The following MUC12 variants were observed in gnomAD, a reference collection of about 807,000 sequenced individuals.
MUC12 encodes mucin 12, cell surface associated, also known as mucin-12.
In MUC12, 172 loss-of-function variants were observed where a neutral mutation model predicts 230.8. The ratio of observed to expected loss-of-function variants is 0.75; its 90% confidence interval spans 0.66 to 0.85. MUC12 has a LOEUF of 0.85. Among genes scored for constraint, MUC12 ranks in the 40% least tolerant of loss-of-function variants. The probability of loss-of-function intolerance (pLI) is 0.00; values close to 1 mark genes in which losing one functional copy is unlikely to be tolerated. For synonymous variants in MUC12, 1,259 were observed against 2,401.9 expected (o/e 0.52, Z 13.91); for missense variants, 3,506 against 5,920.6 (o/e 0.59, Z 13.38).
At chr7:100,984,005 G>T (rs1356443878) in intron 1 of MUC12, among the ~76,000 whole-genome samples, 1 of 152,086 alleles carries the variant, frequency 6.6e-6, no homozygotes, top group African/African-American at 2.4e-5. Context: ...CCTTCATGTG[G>T]GCCTCTGCTG....
rs116937540 is a variant in MUC12 at position 101,015,595 on chromosome 7, C to G, written c.15801-20C>G. 120 of 1,536,812 alleles carry G rather than the reference C, an allele frequency of 7.8e-5. No individual in the cohort carries two copies. The East Asian group carries it at 2.6e-3, about 34-fold the overall frequency. On this transcript the variant is annotated intron_variant, in intron 9 of 11. Transcript: ENST00000536621. Reference sequence around the variant, plus strand: ...CTCAGCCTCCTTGCCTACAGCTGCTCAAGGCATTTCTGTCTGCAGGGAACA... The same window carrying G: ...CTCAGCCTCCTTGCCTACAGCTGCTGAAGGCATTTCTGTCTGCAGGGAACA...
Position 101,005,485 on chromosome 7 carries a change from T to C in MUC12, c.14922T>C (p.Ile4974=). ...CCAGTCCAAGCTTCACTTCTACAAT[T>C]GTGTCTACTGAAAGCCTGGAAACCT... ...FHTSPSFTST[I]VSTESLETLA... Residue 4974 remains isoleucine, a synonymous_variant, in exon 2 of 12, where the codon ATT becomes ATC. Transcript: ENST00000536621. 1.3e-6 allele frequency: 2 copies of C among 1,537,512 alleles called. No individual in the cohort carries two copies. Among genetic ancestry groups the C allele is most frequent in the Non-Finnish European group, 1.7e-6 (2 of 1,146,830 alleles).
At chr7:101,017,848 TCCTTTCCCCCTGGGACTCCCTC>T (rs1192860261) in intron 11 of MUC12, among the ~76,000 whole-genome samples, 185 bp downstream of exon 11, 7 of 74,896 alleles carry the variant, frequency 9.3e-5, no homozygotes, top group Non-Finnish European at 1.8e-4. Flanking sequence ...TGGGACCCCT[TCCTTTCCCCCTGGGACTCCCTC>T]CCTCCCCCTG....
chr7:100,975,018 A>G (rs1364192148), intron 1 of MUC12, among the ~76,000 whole-genome samples: 3 of 150,690 alleles, frequency 2.0e-5, no homozygotes, highest in African/African-American at 7.3e-5. Context: ...GGTGGAAGAC[A>G]AGGGTCTCCA....
intron 1 of MUC12, among the ~76,000 whole-genome samples, chr7:100,990,085 C>A (rs926545500): frequency 2.0e-5 from 3 of 152,194 alleles, no homozygotes; most frequent in Non-Finnish European, 4.4e-5. Flanking sequence ...CCACAGAAGG[C>A]ACAAGGGTCT....
intron 1 of MUC12, among the ~76,000 whole-genome samples, chr7:100,983,310 C>T (rs529075391): frequency 6.6e-6 from 1 of 151,460 alleles, no homozygotes; most frequent in Admixed American, 6.6e-5. Context: ...ATCCCAGCAA[C>T]TTGGGAGGCT....
At chr7:100,973,551 A>T (rs575289536) in intron 1 of MUC12, among the ~76,000 whole-genome samples, 21 of 13,722 alleles carry the variant, frequency 1.5e-3, no homozygotes, top group Middle Eastern at 0.091. Flanking sequence ...CTATTTTTTT[A>T]AATTTATTTT....
At position 100,995,654 on chromosome 7, in the gene MUC12, C is replaced by T. The variant is rs1415798698; in HGVS notation, c.5091C>T (p.Asp1697=). The T allele has an allele frequency of 3.9e-6, 6 of 1,537,054 alleles. No homozygotes were observed. The highest frequency in any genetic ancestry group is 5.2e-6 in the Non-Finnish European group (6 of 1,147,082). The change falls in exon 2 of 12, where the codon GAC becomes GAT. Residue 1697 remains aspartate (D), a synonymous_variant. Coordinates refer to ENST00000536621, the MANE Select transcript of MUC12 (RefSeq NM_001164462.2). The stretch of plus-strand genomic sequence containing the variant: ...TCCAGAGCTGGCCAAGCTCAAAGGA[C>T]ACTATGCCTGCACCTCCTACTACCA... ...TTFQSWPSSK[D]TMPAPPTTTS...
At position 101,012,863 on chromosome 7, in the gene MUC12, T is replaced by C; in HGVS notation, c.15448T>C (p.Ser5150Pro). ...TGAAGAGGACACTTTCGTGGATTCA[T>C]CGGTGACTCCGGGCTTTGACTTCCA... ...YSEEDTFVDSSVTPGFDFQEQ... is the reference protein window; with the variant it reads ...YSEEDTFVDSPVTPGFDFQEQ... Residue 5150 changes from serine (S) to proline (P), a missense_variant, in exon 7 of 12, where the codon TCG (serine) becomes CCG (proline). Physicochemically the swap from Ser to Pro is moderately conservative, Grantham distance 74. Coordinates refer to ENST00000536621, the MANE Select transcript of MUC12 (RefSeq NM_001164462.2). 6.5e-7 allele frequency: 1 copy of C among 1,537,276 alleles called. No homozygotes were observed. The highest frequency in any genetic ancestry group is 8.7e-7 in the Non-Finnish European group (1 of 1,146,918).
chr7:100,980,944 T>G (rs1268999440), intron 1 of MUC12, among the ~76,000 whole-genome samples: 2 of 152,042 alleles, frequency 1.3e-5, no homozygotes, highest in Non-Finnish European at 2.9e-5. Context: ...GTATGACTCT[T>G]CCAATGGTCC....
At chr7:100,981,614 C>T (rs765048642) in intron 1 of MUC12, 142 of 424,766 alleles carry the variant, frequency 3.3e-4, no homozygotes, top group Non-Finnish European at 4.8e-4. Flanking sequence ...GTGTGACCTG[C>T]GAGGGCAACT....
Position 101,004,670 on chromosome 7 carries a change from A to G in MUC12, c.14107A>G (p.Thr4703Ala), listed in dbSNP as rs763683438. ...NGITPLPAHFTTSGRIAESTT... is the reference protein window; with the variant it reads ...NGITPLPAHFATSGRIAESTT... ...AATCACACCCTTACCTGCCCATTTTACTACCTCAGGCCGCATTGCAGAATC... is the reference window on the plus strand; with the variant it reads ...AATCACACCCTTACCTGCCCATTTTGCTACCTCAGGCCGCATTGCAGAATC... Residue 4703 changes from threonine to alanine, a missense_variant, in exon 2 of 12, where the codon ACT becomes GCT. Physicochemically the swap from Thr to Ala is moderately conservative, Grantham distance 58. Transcript: ENST00000536621. 7 of 1,537,326 alleles carry G rather than the reference A, an allele frequency of 4.6e-6. No individual in the cohort carries two copies. In the Admixed American group the frequency reaches 7.8e-5, roughly 17 times the overall value.
intron 1 of MUC12, among the ~76,000 whole-genome samples, chr7:100,979,893 G>A (rs942867605): frequency 3.3e-5 from 5 of 151,930 alleles, no homozygotes; most frequent in Non-Finnish European, 5.9e-5. Context: ...AAAACGAGGG[G>A]TGGTGGTGCA....
At chr7:100,974,517 T>C (rs1314967182) in intron 1 of MUC12, among the ~76,000 whole-genome samples, 1 of 151,674 alleles carries the variant, frequency 6.6e-6, no homozygotes, top group East Asian at 1.9e-4. Context: ...CTGCTGATCA[T>C]CCTGTTGAAA....
chr7:100,988,619 T>C (rs1463005474), intron 1 of MUC12, among the ~76,000 whole-genome samples: 1 of 152,226 alleles, frequency 6.6e-6, no homozygotes, highest in East Asian at 1.9e-4. Context: ...GAGATAATTG[T>C]CCATGGAACG....
intron 1 of MUC12, among the ~76,000 whole-genome samples, chr7:100,980,299 C>G (rs113207588): frequency 0.011 from 1,692 of 152,290 alleles, 34 homozygotes; most frequent in African/African-American, 0.038. Context: ...GCCTTGGCCT[C>G]CCAAAGTCCT....
At position 100,995,719 on chromosome 7, in the gene MUC12, G is replaced by T. The variant is rs1315933081; in HGVS notation, c.5156G>T (p.Ser1719Ile). 3.3e-6 allele frequency: 5 copies of T among 1,536,024 alleles called. No homozygotes were observed. The African/African-American group carries it at 6.9e-5, about 21-fold the overall frequency. ...FVELSTTSHG[S>I]PSSTPTTHFS... ...GAGCTATCTACAACCTCCCACGGCA[G>T]CCCGAGCTCAACTCCAACAACCCAC... The change falls in exon 2 of 12, where the codon AGC becomes ATC. Residue 1719 changes from serine (S) to isoleucine (I), a missense_variant. Physicochemically the swap from Ser to Ile is moderately radical, Grantham distance 142 (BLOSUM62 -2). Coordinates refer to ENST00000536621, the MANE Select transcript of MUC12 (RefSeq NM_001164462.2).
At chr7:100,988,907 T>G (rs1793235487) in intron 1 of MUC12, among the ~76,000 whole-genome samples, 1 of 151,970 alleles carries the variant, frequency 6.6e-6, no homozygotes, top group South Asian at 2.1e-4. Context: ...TCTCACGAGA[T>G]CTGATGGTTT....
At chr7:100,989,831 C>T (rs534082940) in intron 1 of MUC12, among the ~76,000 whole-genome samples, 2 of 152,010 alleles carry the variant, frequency 1.3e-5, no homozygotes, top group Non-Finnish European at 2.9e-5. Context: ...GATGGGATTA[C>T]AGGTGTACAC....
Sources: allele counts gnomAD v4.1 joint callset (sites outside exome capture counted in the v4.1 genomes callset), GRCh38; gene constraint gnomAD v4.1.1; transcripts MANE v1.5; gene names NCBI Gene and HGNC (gene_info 2026-07-23, HGNC 2026-07-21).